AUTS2: variants seen among roughly 807,000 people sequenced by gnomAD.
The protein encoded by AUTS2 is activator of transcription and developmental regulator AUTS2, also known as autism susceptibility gene 2 protein.
In AUTS2, 17 loss-of-function variants were observed where a neutral mutation model predicts 112.4. That is an observed-to-expected ratio of 0.15 (90% CI 0.10 to 0.23). The LOEUF (loss-of-function observed/expected upper bound fraction) is 0.23. Among genes scored for constraint, AUTS2 ranks in the 10% least tolerant of loss-of-function variants. The pLI, the probability that AUTS2 is intolerant of heterozygous loss-of-function variation, is 1.00. For missense variants in AUTS2, 1,510 were observed against 1,701.6 expected, an observed-to-expected ratio of 0.89 and a Z score of 1.98; for synonymous variants, 751 against 702.7, an observed-to-expected ratio of 1.07 and a Z score of -1.09.
At chr7:70,764,339 ATGGGGGGAAC>A (rs1174204459) in intron 7 of AUTS2, among the ~76,000 whole-genome samples, 3 of 152,130 alleles carry the variant, frequency 2.0e-5, no homozygotes, top group Non-Finnish European at 4.4e-5. Flanking sequence ...AACAAGACAG[ATGGGGGGAAC>A]TCAGATCATC....
chr7:69,992,406 T>C (rs1563021400), intron 2 of AUTS2, among the ~76,000 whole-genome samples: 1 of 152,192 alleles, frequency 6.6e-6, no homozygotes, highest in Non-Finnish European at 1.5e-5. Context: ...TGATATATGA[T>C]TGATTGTGCC....
At chr7:69,677,054 C>G (rs1796596707) in intron 1 of AUTS2, among the ~76,000 whole-genome samples, 1 of 152,056 alleles carries the variant, frequency 6.6e-6, no homozygotes. Flanking sequence ...GATAGAAAAT[C>G]TAATCTATTT....
At chr7:69,724,139 G>A (rs1786387928) in intron 1 of AUTS2, among the ~76,000 whole-genome samples, 2 of 152,186 alleles carry the variant, frequency 1.3e-5, no homozygotes, top group South Asian at 2.1e-4. Flanking sequence ...CCTCGGGTGT[G>A]ACCTTTGCCC....
At chr7:70,520,694 G>C (rs1183175891) in intron 5 of AUTS2, among the ~76,000 whole-genome samples, 1 of 152,200 alleles carries the variant, frequency 6.6e-6, no homozygotes, top group Non-Finnish European at 1.5e-5. Context: ...TGGAGACCTT[G>C]TCTGGGTGCT....
intron 4 of AUTS2, among the ~76,000 whole-genome samples, chr7:70,194,310 T>C (rs1477633728): frequency 1.3e-5 from 2 of 152,038 alleles, no homozygotes; most frequent in Non-Finnish European, 2.9e-5. Context: ...CTCAGGAGGC[T>C]GAGGCAAGAG....
chr7:70,789,811 C>G lies in AUTS2; in HGVS notation c.2595C>G (p.Ala865=). ...PSPAPVLPVN[A]LGHTRSSTEQ... ...CAGCACCTGTCCTCCCGGTGAATGC[C>G]CTGGGACATACCCGCAGCTCCACTG... is the stretch of plus-strand genomic sequence containing the variant. Residue 865 remains alanine (A), a synonymous_variant, in exon 19 of 19, where the codon GCC becomes GCG. Coordinates refer to ENST00000342771, the MANE Select transcript of AUTS2 (RefSeq NM_015570.4). 6.2e-7 allele frequency: 1 copy of G among 1,614,154 alleles called. No homozygotes were observed. The highest frequency in any genetic ancestry group is 8.5e-7 in the Non-Finnish European group (1 of 1,180,018).
intron 4 of AUTS2, among the ~76,000 whole-genome samples, chr7:70,360,618 G>T (rs1244274980): frequency 3.9e-5 from 6 of 152,122 alleles, no homozygotes; most frequent in Admixed American, 3.9e-4. Flanking sequence ...TTGGGCAGCG[G>T]GACTAATTTT....
chr7:70,409,707 A>T (rs1794694735), intron 4 of AUTS2, among the ~76,000 whole-genome samples: 1 of 152,342 alleles, frequency 6.6e-6, no homozygotes, highest in Admixed American at 6.5e-5. Context: ...GAGACGTTAT[A>T]CTAAAATTTC....
intron 6 of AUTS2, among the ~76,000 whole-genome samples, chr7:70,700,709 G>A (rs193032301): frequency 2.6e-5 from 4 of 152,166 alleles, no homozygotes; most frequent in Admixed American, 1.3e-4. Context: ...ATTGTGTAGC[G>A]ATAATGTCAA....
intron 1 of AUTS2, among the ~76,000 whole-genome samples, chr7:69,693,376 A>G (rs1159475060): frequency 6.6e-6 from 1 of 152,248 alleles, no homozygotes; most frequent in Non-Finnish European, 1.5e-5. Flanking sequence ...AACTCATGCC[A>G]TGACAAGTTT....
At chr7:70,516,889 ATTGT>A (rs764668522) in intron 5 of AUTS2, among the ~76,000 whole-genome samples, 1 of 152,118 alleles carries the variant, frequency 6.6e-6, no homozygotes, top group African/African-American at 2.4e-5. Flanking sequence ...AATATTTTAC[ATTGT>A]TTGATCATCT....
At chr7:69,786,299 C>T (rs187330709) in intron 1 of AUTS2, among the ~76,000 whole-genome samples, 65 of 151,568 alleles carry the variant, frequency 4.3e-4, no homozygotes, top group African/African-American at 1.4e-3. Flanking sequence ...CAGCGCTCTG[C>T]GTCTAGCTAA....
chr7:69,678,642 T>A (rs1796671095), intron 1 of AUTS2, among the ~76,000 whole-genome samples: 1 of 152,172 alleles, frequency 6.6e-6, no homozygotes, highest in Non-Finnish European at 1.5e-5. Flanking sequence ...TGCCTGGGGT[T>A]GTATTTCCAA....
intron 14 of AUTS2, among the ~76,000 whole-genome samples, chr7:70,779,087 G>C (rs1481983542): frequency 1.3e-5 from 2 of 152,128 alleles, no homozygotes; most frequent in Non-Finnish European, 2.9e-5. Context: ...CCTAAGTTGT[G>C]GTTAATGGAA....
intron 5 of AUTS2, among the ~76,000 whole-genome samples, chr7:70,535,864 A>G (rs1392962492): frequency 5.3e-5 from 8 of 152,202 alleles, no homozygotes; most frequent in Admixed American, 4.6e-4. Context: ...AGAGGATGGT[A>G]GGTGAGAAAA....
At chr7:70,491,609 G>GTGTT (rs1798247972) in intron 5 of AUTS2, among the ~76,000 whole-genome samples, 1 of 149,298 alleles carries the variant, frequency 6.7e-6, no homozygotes, top group Non-Finnish European at 1.5e-5. Flanking sequence ...GTGTGTGTGT[G>GTGTT]TGTGTGTGTG....
chr7:69,807,389 C>G (rs1045341031), intron 1 of AUTS2, among the ~76,000 whole-genome samples: 1 of 152,116 alleles, frequency 6.6e-6, no homozygotes, highest in East Asian at 1.9e-4. Context: ...CAAACTTTTA[C>G]TATCTTAGTT....
At chr7:69,786,730 AG>A (rs1789395647) in intron 1 of AUTS2, among the ~76,000 whole-genome samples, 1 of 152,216 alleles carries the variant, frequency 6.6e-6, no homozygotes, top group Admixed American at 6.5e-5. Context: ...CTGGGATTAC[AG>A]GCCTGAGCCA....
chr7:69,967,882 G>A (rs977076865), intron 2 of AUTS2, among the ~76,000 whole-genome samples: 2 of 152,138 alleles, frequency 1.3e-5, no homozygotes, highest in African/African-American at 4.8e-5. Flanking sequence ...GGCTCCTCTG[G>A]CCACTTGGGG....
Sources: gnomAD v4.1 joint callset for allele counts (sites outside exome capture counted in the v4.1 genomes callset) on GRCh38, gnomAD v4.1.1 for gene constraint, MANE v1.5 for transcripts, NCBI Gene and HGNC (gene_info 2026-07-23, HGNC 2026-07-21) for gene names.